Variants in SLC9A4 observed in about 807,000 individuals in gnomAD.
SLC9A4 encodes solute carrier family 9 member A4.
A neutral mutation model predicts 67.4 loss-of-function variants in SLC9A4; 63 were observed. The observed-to-expected ratio is 0.93, with a 90% CI of 0.76 to 1.15. The LOEUF (loss-of-function observed/expected upper bound fraction) is 1.15. SLC9A4 is among the 50% of genes most tolerant of loss of function. The pLI is 0.00. For synonymous variants in SLC9A4, 393 were observed against 367.2 expected (o/e 1.07, Z -0.80); for missense variants, 1,089 against 987.7 (o/e 1.10, Z -1.38).
intron 10 of SLC9A4, 34 bp from the exon 11 acceptor site, chr2:102,526,225 T>A: frequency 6.2e-7 from 1 of 1,602,118 alleles, no homozygotes; most frequent in Non-Finnish European, 8.5e-7. Context: ...TGAGACAGCT[T>A]ATTCTGCTTT....
In SLC9A4 at chr2:102,514,254, G is replaced by A. The variant is rs763298299; in HGVS notation, c.1721+3G>A. ...ACAGCTTTCTCCATACCCCATCAGTGAGTCATATCTGTTCTTTGTTCTAAA... is the reference window on the plus strand; with the variant it reads ...ACAGCTTTCTCCATACCCCATCAGTAAGTCATATCTGTTCTTTGTTCTAAA... On this transcript the variant is annotated splice_donor_region_variant and intron_variant, in intron 8 of 11. Transcript: ENST00000295269. 3.8e-5 allele frequency: 61 copies of A among 1,596,430 alleles called. No individual in the cohort carries two copies. In the Admixed American group the frequency reaches 1.0e-3, roughly 27 times the overall value.
intron 9 of SLC9A4, among the ~76,000 whole-genome samples, chr2:102,524,556 T>TTGTGTGTGTGTGTGTGTGTGTG (rs147920382): frequency 8.9e-5 from 13 of 145,522 alleles, no homozygotes; most frequent in East Asian, 6.0e-4. Flanking sequence ...GTGATAGGAA[T>TTGTGTGTGTGTGTGTGTGTGTG]TGTGTGTGTG....
intron 5 of SLC9A4, 31 bp downstream of exon 5, chr2:102,508,312 T>G (rs541172036): frequency 3.3e-6 from 5 of 1,533,322 alleles, no homozygotes; most frequent in African/African-American, 1.4e-5. Context: ...TTTAAATAAA[T>G]AGGTTATTTC....
At chr2:102,482,462 C>T (rs145314093) in intron 2 of SLC9A4, among the ~76,000 whole-genome samples, 26 of 152,346 alleles carry the variant, frequency 1.7e-4, no homozygotes, top group African/African-American at 6.3e-4. Flanking sequence ...GGACTAGTCT[C>T]TGAGATCCCC....
intron 2 of SLC9A4, among the ~76,000 whole-genome samples, chr2:102,484,477 A>T (rs1684542648): frequency 1.3e-5 from 2 of 152,166 alleles, no homozygotes; most frequent in African/African-American, 4.8e-5. Context: ...TCATAGGCTC[A>T]CTGGAAAATT....
chr2:102,515,066 C>T (rs1251762357), intron 8 of SLC9A4, among the ~76,000 whole-genome samples: 3 of 152,092 alleles, frequency 2.0e-5, no homozygotes, highest in East Asian at 3.9e-4. Flanking sequence ...CCAAAGATGC[C>T]CAGTTTTTCT....
At chr2:102,504,018 A>T (rs1684998644) in intron 3 of SLC9A4, among the ~76,000 whole-genome samples, 1 of 152,138 alleles carries the variant, frequency 6.6e-6, no homozygotes, top group South Asian at 2.1e-4. Context: ...TTAAGTTCTC[A>T]TCTCAGTAGT....
chr2:102,513,273 G>T (rs988391604), intron 7 of SLC9A4, among the ~76,000 whole-genome samples: 1 of 152,296 alleles, frequency 6.6e-6, no homozygotes, highest in East Asian at 1.9e-4. Context: ...AACCCTGGAG[G>T]GGCTTAGCAC....
Position 102,496,579 on chromosome 2 carries a change from A to C in SLC9A4, c.721-6869A>C, listed in dbSNP as rs530150907. 9.2e-5 allele frequency among the ~76,000 whole-genome samples: 14 copies of C among 152,362 alleles called. No individual in the cohort carries two copies. The East Asian group carries it at 2.7e-3, about 29-fold the overall frequency. Reference sequence around the variant, plus strand: ...TTGTCTTTAGCAGTGATGAGACAATATGGTGGAGCACTATGCCATTAGCTC... The same window carrying C: ...TTGTCTTTAGCAGTGATGAGACAATCTGGTGGAGCACTATGCCATTAGCTC... On this transcript the variant is annotated intron_variant, in intron 2 of 11. Coordinates refer to ENST00000295269, the MANE Select transcript of SLC9A4 (RefSeq NM_001011552.4).
chr2:102,516,074 C>T (rs1012434302), intron 8 of SLC9A4, among the ~76,000 whole-genome samples: 5 of 152,220 alleles, frequency 3.3e-5, no homozygotes, highest in East Asian at 1.9e-4. Flanking sequence ...ATCAGTCTGC[C>T]GGGTGGCAAA....
chr2:102,477,229 A>G (rs890846835), intron 1 of SLC9A4, among the ~76,000 whole-genome samples: 3 of 152,216 alleles, frequency 2.0e-5, no homozygotes, highest in Admixed American at 2.0e-4. Context: ...TGCTCCAGCC[A>G]GGTGGATCCC....
intron 2 of SLC9A4, among the ~76,000 whole-genome samples, chr2:102,495,279 G>A (rs1027852337): frequency 2.0e-5 from 3 of 151,918 alleles, no homozygotes; most frequent in Non-Finnish European, 4.4e-5. Flanking sequence ...ACATTAAAAA[G>A]TACTCCCAAA....
Position 102,532,528 on chromosome 2 carries a change from G to A in SLC9A4, c.2237G>A (p.Arg746Lys). ...YLGGVRRVAL[R>K]PKPLFHAVDE... ...GGTGGAGTAAGGAGGGTGGCCTTAA[G>A]ACCCAAACCTCTGTTTCATGCAGTG... The change falls in exon 12 of 12, where the codon AGA becomes AAA. Residue 746 changes from arginine to lysine, a missense_variant. Physicochemically the swap from Arg to Lys is conservative, Grantham distance 26. Coordinates refer to ENST00000295269, the MANE Select transcript of SLC9A4 (RefSeq NM_001011552.4). 6.2e-7 allele frequency: 1 copy of A among 1,614,118 alleles called. No homozygotes were observed. The highest frequency in any genetic ancestry group is 1.1e-5 in the South Asian group (1 of 91,052).
intron 7 of SLC9A4, 88 bp from the exon 8 acceptor site, chr2:102,514,002 A>G: frequency 6.6e-7 from 1 of 1,504,610 alleles, no homozygotes; most frequent in Non-Finnish European, 8.9e-7. Context: ...AAAGTTAAGT[A>G]GTAAGTAGTT....
chr2:102,473,492 A>G lies in SLC9A4; in HGVS notation c.-268A>G. The G allele has an allele frequency of 2.2e-6, 1 of 464,920 alleles. No homozygotes were observed. Among genetic ancestry groups the G allele is most frequent in the Non-Finnish European group, 3.8e-6 (1 of 260,496 alleles). 28.8% of individuals were successfully genotyped at this position (464,920 alleles called of 1,614,324 possible). A position where few individuals can be genotyped will look rare whatever the true frequency, so the allele number is the denominator to read the frequency against. ...AGCCATGATTGGATGGAGGTCCTCC[A>G]GGTAGCTCCATGGACTTTAACAAGT... On this transcript the variant is annotated 5_prime_UTR_variant, in exon 1 of 12. Transcript: ENST00000295269.
At position 102,482,426 on chromosome 2, in the gene SLC9A4, C is replaced by A. The variant is rs139427767; in HGVS notation, c.720+3124C>A. On this transcript the variant is annotated intron_variant, in intron 2 of 11. Transcript: ENST00000295269. The stretch of plus-strand genomic sequence containing the variant: ...AATGATGATACGCCTAGAACAAGGA[C>A]CTTATCCATCTCCCCAGACGACACT... 3.9e-3 allele frequency among the ~76,000 whole-genome samples: 599 copies of A among 152,288 alleles called. 7 individuals carry two copies. Among genetic ancestry groups the A allele is most frequent in the African/African-American group, 0.014 (567 of 41,542 alleles).
intron 2 of SLC9A4, among the ~76,000 whole-genome samples, chr2:102,487,759 T>C (rs1684617579): frequency 6.6e-6 from 1 of 152,214 alleles, no homozygotes. Context: ...TTGTCTTTTC[T>C]TTGTCAGGAG....
rs370816800 is a variant in SLC9A4, at chr2:102,498,109, T to C, written c.721-5339T>C. On this transcript the variant is annotated intron_variant, in intron 2 of 11. Coordinates refer to ENST00000295269, the MANE Select transcript of SLC9A4 (RefSeq NM_001011552.4). ...CATGGGGCTGTGGACATGTTTGAGA[T>C]TTAGCATTGGCTGAGCTTTTCCCTT... is the stretch of plus-strand genomic sequence containing the variant. Among the ~76,000 whole-genome samples, 3 of 152,330 alleles carry C rather than the reference T, an allele frequency of 2.0e-5. No individual in the cohort carries two copies. In the East Asian group the frequency reaches 5.8e-4, roughly 29 times the overall value.
At chr2:102,483,829 T>TACAC (rs1330487416) in intron 2 of SLC9A4, among the ~76,000 whole-genome samples, 1 of 63,778 alleles carries the variant, frequency 1.6e-5, no homozygotes, top group African/African-American at 6.6e-5. Context: ...TATATATATA[T>TACAC]ATATATATAT....
Sources: gnomAD v4.1 joint callset for allele counts (sites outside exome capture counted in the v4.1 genomes callset) on GRCh38, gnomAD v4.1.1 for gene constraint, MANE v1.5 for transcripts, NCBI Gene and HGNC (gene_info 2026-07-23, HGNC 2026-07-21) for gene names.